Variants in CNIH3 observed in about 807,000 individuals in gnomAD.
CNIH3 encodes cornichon family AMPA receptor auxiliary protein 3.
A neutral mutation model predicts 24.1 loss-of-function variants in CNIH3; 14 were observed. The ratio of observed to expected loss-of-function variants is 0.58; its 90% CI spans 0.38 to 0.91. The LOEUF (loss-of-function observed/expected upper bound fraction) is 0.91, where lower values mean the gene tolerates loss of function less well. Ranked by LOEUF, CNIH3 falls within the 40% of genes least tolerant of loss-of-function variation. CNIH3 has a pLI of 0.00. For synonymous variants in CNIH3, 68 were observed against 73.8 expected (o/e 0.92, Z 0.40); for missense variants, 178 against 196.8 (o/e 0.90, Z 0.57).
At chr1:224,569,942 C>T (rs1038042777) in intron 4 of CNIH3, among the ~76,000 whole-genome samples, 6 of 152,048 alleles carry the variant, frequency 3.9e-5, no homozygotes, top group Non-Finnish European at 7.4e-5. Flanking sequence ...TACCAACATG[C>T]TGGGCTAATT....
rs1384217109 is a variant in CNIH3 at position 224,474,577 on chromosome 1, T to C, written n.203+39715T>C. Among the ~76,000 whole-genome samples the C allele has an allele frequency of 4.0e-5, 6 of 151,366 alleles. No individual in the cohort carries two copies. In the South Asian group the frequency reaches 1.0e-3, roughly 26 times the overall value. On this transcript the variant is annotated intron_variant and non_coding_transcript_variant, in intron 1 of 5. Coordinates refer to the CNIH3 transcript ENST00000471578. ...AAGAGCAAACCAAACCCAAAATAAG[T>C]AGAAGAAAAGAAATAATAAAGATCA... is the stretch of plus-strand genomic sequence containing the variant.
chr1:224,454,228 A>G (rs1043205082), intron 1 of CNIH3: 34 of 889,630 alleles, frequency 3.8e-5, no homozygotes, highest in Non-Finnish European at 4.0e-5. Context: ...TGTGAGTAGT[A>G]TCATTTACAG....
chr1:224,703,075 G>T lies in CNIH3; in HGVS notation c.198+18232G>T, dbSNP rs1204377952. Among the ~76,000 whole-genome samples, 2 of 152,194 alleles carry T rather than the reference G, an allele frequency of 1.3e-5. No homozygotes were observed. Among genetic ancestry groups the T allele is most frequent in the Non-Finnish European group, 2.9e-5 (2 of 68,032 alleles). ...CTGCCAAGATAGCTCCAGTATGCAG[G>T]CAGAGGCAAACCATTGCCCTGTTTT... On this transcript the variant is annotated intron_variant, in intron 3 of 5. Coordinates refer to ENST00000272133, the MANE Select transcript of CNIH3 (RefSeq NM_152495.2). The surrounding 1 kb of genome is among the most constrained non-coding windows in gnomAD (Gnocchi z 4.2).
chr1:224,448,246 A>T (rs950796077), intron 1 of CNIH3, among the ~76,000 whole-genome samples: 3 of 135,210 alleles, frequency 2.2e-5, no homozygotes, highest in African/African-American at 9.9e-5. Flanking sequence ...CCCAAAAAAC[A>T]CACAAAAAAA....
intron 3 of CNIH3, among the ~76,000 whole-genome samples, chr1:224,596,206 A>G (rs145984865): frequency 8.0e-4 from 122 of 152,356 alleles, no homozygotes; most frequent in African/African-American, 2.7e-3. Flanking sequence ...GGCTAATGCA[A>G]TTGTTGACTT....
At chr1:224,523,852 T>G (rs2124919264) in intron 2 of CNIH3, among the ~76,000 whole-genome samples, 1 of 152,226 alleles carries the variant, frequency 6.6e-6, no homozygotes, top group South Asian at 2.1e-4. Context: ...CATTCCAGGC[T>G]GTAGTTTGAA....
chr1:224,680,896 C>A, intron 1 of CNIH3, 62 bp from the exon 2 acceptor site: 1 of 1,277,650 alleles, frequency 7.8e-7, no homozygotes, highest in Non-Finnish European at 1.1e-6. Context: ...TCCACAGAAG[C>A]TTTGGACATG....
At chr1:224,459,863 T>TA (rs1355178942) in intron 1 of CNIH3, among the ~76,000 whole-genome samples, 1 of 146,584 alleles carries the variant, frequency 6.8e-6, no homozygotes, top group East Asian at 2.0e-4. Flanking sequence ...GAGGGGTTGT[T>TA]AGAGTCATGG....
chr1:224,495,276 T>G (rs2124856200), intron 1 of CNIH3, among the ~76,000 whole-genome samples: 1 of 152,308 alleles, frequency 6.6e-6, no homozygotes, highest in Middle Eastern at 3.4e-3. Flanking sequence ...GTATTGTCCT[T>G]CCTATGGCAG....
At chr1:224,528,200 G>C (rs1678919963) in intron 2 of CNIH3, among the ~76,000 whole-genome samples, 1 of 152,158 alleles carries the variant, frequency 6.6e-6, no homozygotes, top group South Asian at 2.1e-4. Context: ...GGAGGTCAAG[G>C]CTGCAGTATG....
Position 224,604,826 on chromosome 1 carries a change from T to C in CNIH3, n.402+38562T>C, listed in dbSNP as rs2125044873. ...ACATTTGGTGGTTCCTGAGCTCCTGTACTGTGCCCAGGAAGAATGAGGATA... is the reference window on the plus strand; with the variant it reads ...ACATTTGGTGGTTCCTGAGCTCCTGCACTGTGCCCAGGAAGAATGAGGATA... On this transcript the variant is annotated intron_variant and non_coding_transcript_variant, in intron 3 of 7. Transcript: ENST00000478120. The surrounding 1 kb of genome is among the most constrained non-coding windows in gnomAD (Gnocchi z 4.4). 6.6e-6 allele frequency among the ~76,000 whole-genome samples: 1 copy of C among 152,308 alleles called. No individual in the cohort carries two copies. The highest frequency in any genetic ancestry group is 6.5e-5 in the Admixed American group (1 of 15,308).
rs76978289 is a variant in CNIH3, at chr1:224,661,666, C to T, written c.82-19292C>T. 4 of 240,074 alleles carry T rather than the reference C, an allele frequency of 1.7e-5. No homozygotes were observed. In the East Asian group the frequency reaches 3.4e-4, roughly 20 times the overall value. The allele number at this position is 240,074 out of a possible 1,614,324, so 14.9% of individuals were successfully genotyped here. On this transcript the variant is annotated intron_variant, in intron 1 of 5. Coordinates refer to ENST00000272133, the MANE Select transcript of CNIH3 (RefSeq NM_152495.2). ...AAATGACTTCCGCCACGTCCTCTACCATTTAATCCTCCTTCTGGTTTAATA... is the reference window on the plus strand; with the variant it reads ...AAATGACTTCCGCCACGTCCTCTACTATTTAATCCTCCTTCTGGTTTAATA...
chr1:224,578,199 G>A (rs1681119165), intron 4 of CNIH3, among the ~76,000 whole-genome samples: 2 of 151,964 alleles, frequency 1.3e-5, no homozygotes, highest in Non-Finnish European at 1.5e-5. Flanking sequence ...CAACAATGAC[G>A]ACAACAAAAA....
At chr1:224,600,492 A>G (rs1465412757) in intron 3 of CNIH3, among the ~76,000 whole-genome samples, 2 of 152,056 alleles carry the variant, frequency 1.3e-5, no homozygotes, top group Non-Finnish European at 2.9e-5. Context: ...GTGCCCGGCC[A>G]TCTGTGGTAT....
At chr1:224,658,194 C>A (rs1685187686) in intron 1 of CNIH3, among the ~76,000 whole-genome samples, 1 of 152,164 alleles carries the variant, frequency 6.6e-6, no homozygotes, top group Admixed American at 6.5e-5. Context: ...GAGATCAGGT[C>A]TTGCCCTGTT....
At chr1:224,720,114 G>A (rs559774198) in intron 3 of CNIH3, among the ~76,000 whole-genome samples, 5 of 152,216 alleles carry the variant, frequency 3.3e-5, no homozygotes, top group South Asian at 2.1e-4. Flanking sequence ...ATGACAGCTC[G>A]TGTTTCTTTT....
Position 224,510,378 on chromosome 1 carries a change from C to T in CNIH3, n.204-5363C>T, listed in dbSNP as rs185047397. On this transcript the variant is annotated intron_variant and non_coding_transcript_variant, in intron 1 of 5. Coordinates refer to the CNIH3 transcript ENST00000471578. ...TTTTAAAACGATCACTATCAGCAGT[C>T]GGGAGCCAGGGAGGCCAGTTGGGAG... 3.7e-3 allele frequency among the ~76,000 whole-genome samples: 560 copies of T among 152,014 alleles called. 4 individuals carry two copies. The highest frequency in any genetic ancestry group is 0.013 in the African/African-American group (521 of 41,446).
chr1:224,477,534 C>G (rs1207201258), intron 1 of CNIH3, among the ~76,000 whole-genome samples: 1 of 152,094 alleles, frequency 6.6e-6, no homozygotes, highest in Non-Finnish European at 1.5e-5. Flanking sequence ...AACAAAACCC[C>G]CAAAATTAAT....
At chr1:224,677,422 G>T (rs1038444323) in intron 1 of CNIH3, among the ~76,000 whole-genome samples, 1 of 152,216 alleles carries the variant, frequency 6.6e-6, no homozygotes, top group Admixed American at 6.5e-5. Context: ...AAGGATGCTG[G>T]CTGAATGTTA....
Sources: allele counts gnomAD v4.1 joint callset (sites outside exome capture counted in the v4.1 genomes callset), GRCh38; gene constraint gnomAD v4.1.1; non-coding constraint Gnocchi (gnomAD v3.1); transcripts MANE v1.5; gene names NCBI Gene and HGNC (gene_info 2026-07-23, HGNC 2026-07-21).